HIBADH: variants seen among roughly 807,000 people sequenced by gnomAD.
HIBADH encodes the protein 3-hydroxyisobutyrate dehydrogenase, mitochondrial.
In HIBADH, 25 loss-of-function variants were observed where a neutral mutation model predicts 36.1. The observed-to-expected ratio is 0.69, with a 90% CI of 0.50 to 0.97. The LOEUF is 0.97. Among genes scored for constraint, HIBADH ranks in the 50% least tolerant of loss-of-function variants. The pLI, the probability that HIBADH is intolerant of heterozygous loss-of-function variation, is 0.00. For missense variants in HIBADH, 421 were observed against 418.0 expected (o/e 1.01, Z -0.06); for synonymous variants, 160 against 149.5 (o/e 1.07, Z -0.51).
At chr7:27,652,135 G>C (rs1211289522) in intron 1 of HIBADH, among the ~76,000 whole-genome samples, 1 of 152,180 alleles carries the variant, frequency 6.6e-6, no homozygotes, top group Non-Finnish European at 1.5e-5. Flanking sequence ...CCATCTTACA[G>C]CTGAGAACCC....
chr7:27,624,668 GA>G (rs1246590986), intron 4 of HIBADH, among the ~76,000 whole-genome samples: 1 of 152,094 alleles, frequency 6.6e-6, no homozygotes, highest in African/African-American at 2.4e-5. Flanking sequence ...GAGAACTCTA[GA>G]AAATATTATT....
At chr7:27,565,683 A>C (rs1784537086) in intron 4 of HIBADH, among the ~76,000 whole-genome samples, 1 of 152,242 alleles carries the variant, frequency 6.6e-6, no homozygotes, top group Non-Finnish European at 1.5e-5. Flanking sequence ...CTAGTGAGAG[A>C]CTAAGCAGTG....
chr7:27,611,752 T>C (rs1785325770), intron 4 of HIBADH, among the ~76,000 whole-genome samples: 2 of 152,148 alleles, frequency 1.3e-5, no homozygotes, highest in Non-Finnish European at 1.5e-5. Context: ...GGTTATTCAA[T>C]TGAACAAACT....
chr7:27,589,686 T>C (rs1175043495), intron 4 of HIBADH, among the ~76,000 whole-genome samples: 1 of 152,210 alleles, frequency 6.6e-6, no homozygotes, highest in Non-Finnish European at 1.5e-5. Flanking sequence ...TGAAATCAAG[T>C]ACTTGATTGT....
At position 27,629,374 on chromosome 7, in the gene HIBADH, C is replaced by T. The variant is rs1785707301; in HGVS notation, c.481G>A (p.Gly161Ser). ...ATATATTTTAGCTACCACTTACCAC[C>T]AGAAACAGGGGCATCCATGAAAACT... is the stretch of plus-strand genomic sequence containing the variant. Reference protein sequence around the residue: ...GAVFMDAPVSGGVGAARSGNL... With the variant: ...GAVFMDAPVSSGVGAARSGNL... Residue 161 changes from glycine to serine, a missense_variant, in exon 4 of 8, where the codon GGT becomes AGT. Coordinates refer to ENST00000265395, the MANE Select transcript of HIBADH (RefSeq NM_152740.4). 6.2e-7 allele frequency: 1 copy of T among 1,609,292 alleles called. No homozygotes were observed. Among genetic ancestry groups the T allele is most frequent in the Non-Finnish European group, 8.5e-7 (1 of 1,177,786 alleles).
chr7:27,605,957 T>A (rs1400385829), intron 4 of HIBADH, among the ~76,000 whole-genome samples: 1 of 152,184 alleles, frequency 6.6e-6, no homozygotes, highest in Non-Finnish European at 1.5e-5. Flanking sequence ...CCAACTCTTC[T>A]GACTACTCTA....
intron 2 of HIBADH, among the ~76,000 whole-genome samples, chr7:27,644,228 G>GGCCGAGGTGGGCAGAT (rs1320648896): frequency 1.3e-5 from 2 of 152,250 alleles, no homozygotes; most frequent in South Asian, 4.1e-4. Flanking sequence ...CACTTTGGGA[G>GGCCGAGGTGGGCAGAT]GCCGAGGTGG....
chr7:27,530,888 T>C (rs1783986591), intron 7 of HIBADH, among the ~76,000 whole-genome samples: 1 of 152,014 alleles, frequency 6.6e-6, no homozygotes, highest in Admixed American at 6.6e-5. Flanking sequence ...CATAAATTAA[T>C]GGTGAACGAA....
chr7:27,634,537 A>C (rs148845542), intron 2 of HIBADH, among the ~76,000 whole-genome samples: 1 of 152,312 alleles, frequency 6.6e-6, no homozygotes, highest in African/African-American at 2.4e-5. Flanking sequence ...TACTATACCA[A>C]ATATATGTTA....
chr7:27,545,768 C>A (rs779204441), intron 4 of HIBADH, among the ~76,000 whole-genome samples: 4 of 152,264 alleles, frequency 2.6e-5, no homozygotes, highest in Non-Finnish European at 5.9e-5. Flanking sequence ...TCTATTACAG[C>A]ATTTATCATA....
chr7:27,661,954 T>G (rs1055015802), intron 1 of HIBADH, among the ~76,000 whole-genome samples: 2 of 152,130 alleles, frequency 1.3e-5, no homozygotes, highest in African/African-American at 2.4e-5. Flanking sequence ...TAGATCTCCG[T>G]GGATCTTCAT....
chr7:27,577,753 TTAAGA>T (rs1784734675), intron 4 of HIBADH, among the ~76,000 whole-genome samples: 1 of 152,178 alleles, frequency 6.6e-6, no homozygotes, highest in Admixed American at 6.5e-5. Context: ...GTAGCATCCT[TTAAGA>T]ATGTAGGTAA....
intron 1 of HIBADH, among the ~76,000 whole-genome samples, chr7:27,660,228 T>C (rs900563613): frequency 1.3e-5 from 2 of 152,240 alleles, no homozygotes; most frequent in African/African-American, 4.8e-5. Context: ...CACATTACTA[T>C]CTGAACATGG....
At chr7:27,548,612 A>G (rs1423969791) in intron 4 of HIBADH, among the ~76,000 whole-genome samples, 1 of 152,184 alleles carries the variant, frequency 6.6e-6, no homozygotes, top group East Asian at 1.9e-4. Context: ...CTGAATCAAA[A>G]ATAAGGACTT....
intron 1 of HIBADH, among the ~76,000 whole-genome samples, chr7:27,651,671 A>T (rs1258265219): frequency 6.6e-6 from 1 of 152,224 alleles, no homozygotes; most frequent in East Asian, 1.9e-4. Flanking sequence ...ATTCATAAGT[A>T]TGGTCACGTA....
chr7:27,593,106 A>C (rs1261602674), intron 4 of HIBADH, among the ~76,000 whole-genome samples: 1 of 152,144 alleles, frequency 6.6e-6, no homozygotes, highest in Non-Finnish European at 1.5e-5. Context: ...CACAGGGCAA[A>C]ATATGGTACA....
intron 7 of HIBADH, among the ~76,000 whole-genome samples, chr7:27,529,727 G>C (rs575332935): frequency 6.6e-6 from 1 of 152,246 alleles, no homozygotes; most frequent in Non-Finnish European, 1.5e-5. Flanking sequence ...ATCAGGGTTT[G>C]AGAGGATTGC....
intron 2 of HIBADH, among the ~76,000 whole-genome samples, chr7:27,637,196 C>T (rs1469943901): frequency 6.6e-6 from 1 of 152,064 alleles, no homozygotes; most frequent in African/African-American, 2.4e-5. Context: ...CTTATCATCC[C>T]CATTTTATAT....
Position 27,542,969 on chromosome 7 carries a change from G to T in HIBADH, c.616C>A (p.Gln206Lys), listed in dbSNP as rs1306051701. The change falls in exon 5 of 8, where the codon CAG becomes AAG. Residue 206 changes from glutamine (Q) to lysine (K), a missense_variant and splice_region_variant. Transcript: ENST00000265395. ...GGTCATTAATGTAAAAATCTTACCTGCCCAGTCCCAACAGCTCCACAGTAC... is the reference window on the plus strand; with the variant it reads ...GGTCATTAATGTAAAAATCTTACCTTCCCAGTCCCAACAGCTCCACAGTAC... Reference protein sequence around the residue: ...VVYCGAVGTGQAAKICNNMLL... With the variant: ...VVYCGAVGTGKAAKICNNMLL... 1.2e-6 allele frequency: 2 copies of T among 1,613,162 alleles called. No homozygotes were observed. The highest frequency in any genetic ancestry group is 1.7e-5 in the Admixed American group (1 of 59,894).
Sources: allele counts gnomAD v4.1 joint callset (sites outside exome capture counted in the v4.1 genomes callset), GRCh38; gene constraint gnomAD v4.1.1; transcripts MANE v1.5; gene names NCBI Gene and HGNC (gene_info 2026-07-23, HGNC 2026-07-21).